Variants in EDAR observed in about 807,000 individuals in gnomAD.
EDAR encodes tumor necrosis factor receptor superfamily member EDAR.
A neutral mutation model predicts 51.3 loss-of-function variants in EDAR; 38 were observed. The observed-to-expected ratio is 0.74, with a 90% confidence interval of 0.57 to 0.97. The LOEUF (loss-of-function observed/expected upper bound fraction) is 0.97. Ranked by LOEUF, EDAR falls within the 50% of genes least tolerant of loss-of-function variation. The pLI is 0.00. For synonymous variants in EDAR, 227 were observed against 242.1 expected (o/e 0.94, Z 0.58); for missense variants, 528 against 595.0 (o/e 0.89, Z 1.17).
At chr2:108,923,571 C>A in intron 4 of EDAR, 118 bp from the exon 5 acceptor site, 2 of 845,708 alleles carry the variant, frequency 2.4e-6, no homozygotes, top group Non-Finnish European at 4.0e-6. Context: ...GGGCATGAGG[C>A]CACGCCCACT....
chr2:108,894,850 T>G lies in EDAR; in HGVS notation c.*2057A>C, dbSNP rs1292004488. 6.6e-6 allele frequency: 1 copy of G among 152,158 alleles called. No individual in the cohort carries two copies. Among genetic ancestry groups the G allele is most frequent in the Non-Finnish European group, 1.5e-5 (1 of 68,026 alleles). The allele number at this position is 152,158 out of a possible 1,614,324, so 9.4% of individuals were successfully genotyped here. On this transcript the variant is annotated 3_prime_UTR_variant, in exon 12 of 12. Coordinates refer to ENST00000258443, the MANE Select transcript of EDAR (RefSeq NM_022336.4). ...GAACATGAGCTGACACTGGCTGGCC[T>G]TACAGCCCCAGAATTCTAATAGTGT...
rs887225023 is a variant in EDAR, at chr2:108,897,105, C to T, written c.1149G>A (p.Leu383=). Residue 383 remains leucine, a synonymous_variant, in exon 12 of 12, where the codon CTG becomes CTA. Transcript: ENST00000258443. ...TWRHLAESFG[L]KRDEIGGMTD... is the part of the protein sequence containing the mutation. ...TCATGCCCCCAATCTCATCCCTCTT[C>T]AGGCCGAAGCTCTCGGCGAGGTGGC... is the stretch of plus-strand genomic sequence containing the variant. 3 of 1,614,012 alleles carry T rather than the reference C, an allele frequency of 1.9e-6. No individual in the cohort carries two copies. The highest frequency in any genetic ancestry group is 2.2e-5 in the South Asian group (2 of 91,082).
intron 2 of EDAR, 132 bp downstream of exon 2, chr2:108,930,832 T>C: frequency 9.7e-7 from 1 of 1,030,754 alleles, no homozygotes; most frequent in Admixed American, 1.8e-5. Context: ...TGGTTTCATT[T>C]CACCCTCAGA....
chr2:108,960,617 T>A (rs1698020228), intron 1 of EDAR, among the ~76,000 whole-genome samples: 1 of 152,210 alleles, frequency 6.6e-6, no homozygotes, highest in South Asian at 2.1e-4. Flanking sequence ...TTTTCATATT[T>A]TCCTGATTGT....
chr2:108,925,906 G>C (rs1000139888), intron 4 of EDAR, among the ~76,000 whole-genome samples: 1 of 152,146 alleles, frequency 6.6e-6, no homozygotes, highest in Non-Finnish European at 1.5e-5. Context: ...GTGAACCACC[G>C]AGCCTGACCG....
intron 1 of EDAR, among the ~76,000 whole-genome samples, chr2:108,956,217 G>T (rs1344084878): frequency 6.6e-6 from 1 of 152,112 alleles, no homozygotes; most frequent in Non-Finnish European, 1.5e-5. Context: ...CTTCAGGCTG[G>T]TTCCCAATTT....
intron 1 of EDAR, among the ~76,000 whole-genome samples, chr2:108,986,825 G>A (rs1175123285): frequency 1.3e-5 from 2 of 152,206 alleles, no homozygotes; most frequent in Non-Finnish European, 2.9e-5. Context: ...AGTAAGGACA[G>A]AATCGTAGGC....
chr2:108,956,808 A>T (rs1697935780), intron 1 of EDAR, among the ~76,000 whole-genome samples: 1 of 149,048 alleles, frequency 6.7e-6, no homozygotes, highest in Non-Finnish European at 1.5e-5. Context: ...TTTTTTTGAG[A>T]CAGAGTTTTT....
chr2:108,929,991 G>A, intron 3 of EDAR, 129 bp downstream of exon 3: 1 of 1,152,950 alleles, frequency 8.7e-7, no homozygotes, highest in Non-Finnish European at 1.2e-6. Flanking sequence ...AACGTCCAGG[G>A]AGCGTGACCG....
At chr2:108,924,858 G>A (rs531501675) in intron 4 of EDAR, among the ~76,000 whole-genome samples, 1 of 152,336 alleles carries the variant, frequency 6.6e-6, no homozygotes, top group African/African-American at 2.4e-5. Context: ...GCCAAGGCAG[G>A]TGTCTGCCAC....
At chr2:108,941,455 C>A (rs1434395979) in intron 1 of EDAR, among the ~76,000 whole-genome samples, 5 of 152,168 alleles carry the variant, frequency 3.3e-5, no homozygotes, top group African/African-American at 9.7e-5. Flanking sequence ...AGGCACTGAG[C>A]TTCCAAACAG....
chr2:108,924,627 G>A (rs879257745), intron 4 of EDAR, among the ~76,000 whole-genome samples: 6 of 152,170 alleles, frequency 3.9e-5, no homozygotes, highest in Non-Finnish European at 8.8e-5. Flanking sequence ...GGGTCTGTGG[G>A]CTCCTGCCTT....
chr2:108,934,703 T>C (rs759350711), intron 1 of EDAR, among the ~76,000 whole-genome samples: 3 of 152,254 alleles, frequency 2.0e-5, no homozygotes, highest in East Asian at 1.9e-4. Flanking sequence ...TTCACTGTTA[T>C]AACCAGCCCA....
At chr2:108,918,313 C>T (rs1209699471) in intron 5 of EDAR, among the ~76,000 whole-genome samples, 2 of 152,218 alleles carry the variant, frequency 1.3e-5, no homozygotes, top group African/African-American at 4.8e-5. Context: ...TAACTCTGCA[C>T]TAACCAAATA....
chr2:108,941,017 A>G (rs780200799), intron 1 of EDAR, among the ~76,000 whole-genome samples: 30 of 152,146 alleles, frequency 2.0e-4, no homozygotes, highest in African/African-American at 5.8e-4. Context: ...TTGATCATCA[A>G]TCTGCCCCAC....
At chr2:108,904,980 ATC>A (rs1271697858) in intron 11 of EDAR, among the ~76,000 whole-genome samples, 3 of 152,186 alleles carry the variant, frequency 2.0e-5, no homozygotes, top group African/African-American at 7.2e-5. Context: ...GGCATGTAGG[ATC>A]TCTCTGTATT....
In EDAR at chr2:108,981,932, C is replaced by T. The variant is rs144327084; in HGVS notation, c.-19+7028G>A. On this transcript the variant is annotated intron_variant, in intron 1 of 11. Coordinates refer to ENST00000258443, the MANE Select transcript of EDAR (RefSeq NM_022336.4). ...AATGCCCAATAAATGTGGGTTTCTTCAACATTTATTGAATACCTACTGTGT... is the reference window on the plus strand; with the variant it reads ...AATGCCCAATAAATGTGGGTTTCTTTAACATTTATTGAATACCTACTGTGT... Among the ~76,000 whole-genome samples the T allele has an allele frequency of 7.1e-3, 1,075 of 152,342 alleles. 6 individuals are homozygous for T. The highest frequency in any genetic ancestry group is 0.017 in the Middle Eastern group (5 of 294).
chr2:108,966,051 A>G (rs747419963), intron 1 of EDAR, among the ~76,000 whole-genome samples: 2 of 152,176 alleles, frequency 1.3e-5, no homozygotes, highest in Non-Finnish European at 2.9e-5. Flanking sequence ...TAAAACATTC[A>G]ATATCACCAT....
At chr2:108,915,234 CT>C (rs1408375311) in intron 5 of EDAR, among the ~76,000 whole-genome samples, 4 of 152,144 alleles carry the variant, frequency 2.6e-5, no homozygotes, top group Non-Finnish European at 4.4e-5. Flanking sequence ...GTAGGAAGTT[CT>C]CAGGAGAAAC....
Sources: allele counts gnomAD v4.1 joint callset (sites outside exome capture counted in the v4.1 genomes callset), GRCh38; gene constraint gnomAD v4.1.1; transcripts MANE v1.5; gene names NCBI Gene and HGNC (gene_info 2026-07-23, HGNC 2026-07-21).